Variants in UBASH3B observed in about 807,000 individuals in gnomAD.
The protein encoded by UBASH3B is ubiquitin-associated and SH3 domain-containing protein B.
UBASH3B carries 37 observed loss-of-function variants against 83.4 expected under a neutral mutation model. The ratio of observed to expected loss-of-function variants is 0.44; its 90% CI spans 0.34 to 0.58. UBASH3B has a LOEUF of 0.58. UBASH3B is among the 20% of genes least tolerant of loss of function. The pLI is 0.01. For synonymous variants in UBASH3B, 304 were observed against 318.3 expected (o/e 0.96, Z 0.48); for missense variants, 657 against 827.2 (o/e 0.79, Z 2.52).
At chr11:122,715,048 C>A (rs2135939417) in intron 1 of UBASH3B, among the ~76,000 whole-genome samples, 1 of 152,282 alleles carries the variant, frequency 6.6e-6, no homozygotes, top group East Asian at 1.9e-4. Flanking sequence ...CGGGTTCACG[C>A]CATTCTCCTG....
intron 1 of UBASH3B, among the ~76,000 whole-genome samples, chr11:122,675,402 C>T (rs751206178): frequency 4.6e-5 from 7 of 152,150 alleles, no homozygotes; most frequent in Admixed American, 3.9e-4. Flanking sequence ...AGAAAGGTGA[C>T]GCGGATGCTC....
chr11:122,776,955 T>G, intron 2 of UBASH3B, 69 bp from the exon 3 acceptor site: 1 of 1,418,622 alleles, frequency 7.0e-7, no homozygotes, highest in Non-Finnish European at 9.6e-7. Context: ...GGTGGATCTG[T>G]CTCTCAGTTC....
At chr11:122,699,577 TCTTTCTTTC>T (rs1864015389) in intron 1 of UBASH3B, among the ~76,000 whole-genome samples, 1 of 140,172 alleles carries the variant, frequency 7.1e-6, no homozygotes, top group Admixed American at 7.2e-5. Flanking sequence ...TTCTTTCTTT[TCTTTCTTTC>T]CTTTCTTTTT....
intron 1 of UBASH3B, among the ~76,000 whole-genome samples, chr11:122,750,181 C>A (rs1861178016): frequency 1.3e-5 from 2 of 152,238 alleles, no homozygotes; most frequent in South Asian, 4.1e-4. Context: ...ACACCTGTTC[C>A]TCAGGCCGAT....
chr11:122,697,938 C>A (rs1162438678), intron 1 of UBASH3B, among the ~76,000 whole-genome samples: 1 of 152,190 alleles, frequency 6.6e-6, no homozygotes, highest in African/African-American at 2.4e-5. Context: ...CTCTCATTTT[C>A]ATCTGACAGT....
At chr11:122,683,313 T>C (rs1465522184) in intron 1 of UBASH3B, among the ~76,000 whole-genome samples, 1 of 151,210 alleles carries the variant, frequency 6.6e-6, no homozygotes, top group Non-Finnish European at 1.5e-5. Flanking sequence ...AGACTGTGAC[T>C]ATTTAAATTA....
At chr11:122,692,028 C>A (rs1863903663) in intron 1 of UBASH3B, among the ~76,000 whole-genome samples, 1 of 152,122 alleles carries the variant, frequency 6.6e-6, no homozygotes, top group African/African-American at 2.4e-5. Flanking sequence ...GCTTTTCAGG[C>A]CTCGTTCCAT....
At chr11:122,714,222 G>A (rs554516917) in intron 1 of UBASH3B, among the ~76,000 whole-genome samples, 1 of 152,322 alleles carries the variant, frequency 6.6e-6, no homozygotes, top group East Asian at 1.9e-4. Flanking sequence ...CCCTAAATAA[G>A]AAGAGTGCTT....
intron 1 of UBASH3B, among the ~76,000 whole-genome samples, chr11:122,749,247 C>G (rs1370443402): frequency 6.6e-6 from 1 of 152,224 alleles, no homozygotes; most frequent in African/African-American, 2.4e-5. Context: ...GGCTGGCAGC[C>G]TGGAATGTAG....
chr11:122,717,667 G>A (rs1432726401), intron 1 of UBASH3B, among the ~76,000 whole-genome samples: 5 of 152,172 alleles, frequency 3.3e-5, no homozygotes, highest in African/African-American at 7.2e-5. Context: ...GCTGTACCTC[G>A]TGATATCACC....
intron 4 of UBASH3B, among the ~76,000 whole-genome samples, chr11:122,780,682 G>A (rs906668947): frequency 3.3e-5 from 5 of 152,222 alleles, no homozygotes; most frequent in African/African-American, 4.8e-5. Context: ...GCCCTGGGAC[G>A]ATGTTGATCA....
intron 4 of UBASH3B, among the ~76,000 whole-genome samples, chr11:122,781,186 C>T (rs1591811000): frequency 6.6e-6 from 1 of 151,044 alleles, no homozygotes; most frequent in African/African-American, 2.4e-5. Context: ...CCCACCTCTT[C>T]CTCTCCCTCA....
At chr11:122,766,238 C>T (rs1860534614) in intron 1 of UBASH3B, among the ~76,000 whole-genome samples, 1 of 152,134 alleles carries the variant, frequency 6.6e-6, no homozygotes, top group Admixed American at 6.5e-5. Flanking sequence ...GGAGAAGCAG[C>T]ACAAGTGATA....
At chr11:122,684,688 C>T (rs1224700360) in intron 1 of UBASH3B, among the ~76,000 whole-genome samples, 1 of 152,150 alleles carries the variant, frequency 6.6e-6, no homozygotes, top group East Asian at 1.9e-4. Flanking sequence ...ACCTCTACCT[C>T]CTGGGTTCAA....
rs1221300473 is a variant in UBASH3B, at chr11:122,655,911, G to T, written c.-139G>T. On this transcript the variant is annotated 5_prime_UTR_variant, in exon 1 of 14. Coordinates refer to ENST00000284273, the MANE Select transcript of UBASH3B (RefSeq NM_032873.5). Reference sequence around the variant, plus strand: ...CAGAGTCCCGACACTGGGGAAGCTCGGAGCGCCGCCTCCGCTGCCGCCGCC... The same window carrying T: ...CAGAGTCCCGACACTGGGGAAGCTCTGAGCGCCGCCTCCGCTGCCGCCGCC... 9 of 949,124 alleles carry T rather than the reference G, an allele frequency of 9.5e-6. No individual in the cohort carries two copies. The highest frequency in any genetic ancestry group is 1.2e-5 in the Non-Finnish European group (8 of 685,214). 58.8% of individuals were successfully genotyped at this position (949,124 alleles called of 1,614,324 possible).
chr11:122,703,377 AGATTGTGC>A (rs772236434), intron 1 of UBASH3B, among the ~76,000 whole-genome samples: 4 of 151,878 alleles, frequency 2.6e-5, no homozygotes, highest in Non-Finnish European at 4.4e-5. Flanking sequence ...CAGTGGGCCG[AGATTGTGC>A]CACTGCACTC....
At chr11:122,797,798 T>C (rs1861180811) in intron 9 of UBASH3B, among the ~76,000 whole-genome samples, 1 of 152,020 alleles carries the variant, frequency 6.6e-6, no homozygotes, top group Admixed American at 6.6e-5. Flanking sequence ...GCATTCTCAG[T>C]GGGAGGGACC....
At chr11:122,808,405 A>G (rs1861379568) in intron 13 of UBASH3B, among the ~76,000 whole-genome samples, 2 of 152,254 alleles carry the variant, frequency 1.3e-5, no homozygotes, top group African/African-American at 4.8e-5. Flanking sequence ...TCTAAGAGCT[A>G]AAATGTAGGA....
At position 122,801,257 on chromosome 11, in the gene UBASH3B, C is replaced by T. The variant is rs1395304209; in HGVS notation, c.1520C>T (p.Ala507Val). Residue 507 changes from alanine (A) to valine (V), a missense_variant, in exon 11 of 14, where the codon GCT (alanine) becomes GTT (valine). Ala to Val is a moderately conservative substitution (Grantham distance 64, BLOSUM62 0). Coordinates refer to ENST00000284273, the MANE Select transcript of UBASH3B (RefSeq NM_032873.5). ...TTATTTGAGTGGACAAAATGGGTTGCTGGGAGCACATTACCTGCATGGATA... is the reference window on the plus strand; with the variant it reads ...TTATTTGAGTGGACAAAATGGGTTGTTGGGAGCACATTACCTGCATGGATA... The part of the protein sequence containing the change: ...PGLFEWTKWV[A>V]GSTLPAWIPP... 6.8e-6 allele frequency: 11 copies of T among 1,614,012 alleles called. No individual in the cohort carries two copies. Among genetic ancestry groups the T allele is most frequent in the Admixed American group, 3.3e-5 (2 of 59,994 alleles).
Sources: gnomAD v4.1 joint callset for allele counts (sites outside exome capture counted in the v4.1 genomes callset) on GRCh38, gnomAD v4.1.1 for gene constraint, MANE v1.5 for transcripts, NCBI Gene and HGNC (gene_info 2026-07-23, HGNC 2026-07-21) for gene names.